PTPRK: variants seen among roughly 807,000 people sequenced by gnomAD.
PTPRK encodes protein tyrosine phosphatase receptor type K.
PTPRK carries 75 observed loss-of-function variants against 178.0 expected under a neutral mutation model. The ratio of observed to expected loss-of-function variants is 0.42; its 90% CI spans 0.35 to 0.51. The LOEUF (loss-of-function observed/expected upper bound fraction) is 0.51, where lower values mean the gene tolerates loss of function less well. PTPRK is among the 20% of genes least tolerant of loss of function. The pLI, the probability that PTPRK is intolerant of heterozygous loss-of-function variation, is 0.02. For missense variants in PTPRK, 1,441 were observed against 1,797.8 expected (o/e 0.80, Z 3.59); for synonymous variants, 637 against 620.6 (o/e 1.03, Z -0.39).
At chr6:128,486,196 GTTAGT>G (rs143791005) in intron 1 of PTPRK, among the ~76,000 whole-genome samples, 3,942 of 151,762 alleles carry the variant, frequency 0.026, 165 homozygotes, top group African/African-American at 0.088. Flanking sequence ...CAGTTTTTTA[GTTAGT>G]TTAGTTTAAA....
intron 3 of PTPRK, among the ~76,000 whole-genome samples, chr6:128,317,983 A>C (rs1828257969): frequency 6.6e-6 from 1 of 152,194 alleles, no homozygotes; most frequent in Non-Finnish European, 1.5e-5. Flanking sequence ...ACTGCTATAC[A>C]AGATCATGAG....
intron 7 of PTPRK, among the ~76,000 whole-genome samples, chr6:128,138,425 C>T (rs1010053254): frequency 6.6e-6 from 1 of 152,140 alleles, no homozygotes. Context: ...GGGTAATCCT[C>T]TTGAACTCTG....
intron 7 of PTPRK, among the ~76,000 whole-genome samples, chr6:128,168,789 A>AC (rs1328556123): frequency 6.6e-6 from 1 of 151,896 alleles, no homozygotes; most frequent in East Asian, 1.9e-4. Context: ...AAGGTTGGGG[A>AC]CCGCTGCACT....
At chr6:128,375,151 G>A (rs1460535308) in intron 2 of PTPRK, among the ~76,000 whole-genome samples, 2 of 148,286 alleles carry the variant, frequency 1.3e-5, no homozygotes, top group East Asian at 3.9e-4. Flanking sequence ...AAAGAATTTT[G>A]TCTATTTTGT....
intron 7 of PTPRK, among the ~76,000 whole-genome samples, chr6:128,096,942 G>A (rs1788014738): frequency 6.6e-6 from 1 of 152,162 alleles, no homozygotes; most frequent in Non-Finnish European, 1.5e-5. Context: ...GAAAGACATT[G>A]TCTTTTACTC....
At chr6:128,263,661 T>A (rs1487755282) in intron 3 of PTPRK, among the ~76,000 whole-genome samples, 2 of 152,198 alleles carry the variant, frequency 1.3e-5, no homozygotes, top group Non-Finnish European at 2.9e-5. Context: ...ATCACTTACA[T>A]AATATAATTA....
intron 7 of PTPRK, among the ~76,000 whole-genome samples, chr6:128,148,819 TACAATGA>T (rs1275913082): frequency 3.9e-5 from 6 of 152,118 alleles, no homozygotes; most frequent in Non-Finnish European, 8.8e-5. Flanking sequence ...TATGTCCAGC[TACAATGA>T]TTTACTTAGT....
chr6:128,348,599 T>C lies in PTPRK; in HGVS notation c.224-26289A>G, dbSNP rs140904837. 1.7e-3 allele frequency among the ~76,000 whole-genome samples: 256 copies of C among 152,176 alleles called. 1 individual carries two copies. Among genetic ancestry groups the C allele is most frequent in the African/African-American group, 5.8e-3 (242 of 41,568 alleles). ...GTTTCCTTTTGTAAACTGAAATATTTTAGTTTGTTAACAAATGTATGATCG... is the reference window on the plus strand; with the variant it reads ...GTTTCCTTTTGTAAACTGAAATATTCTAGTTTGTTAACAAATGTATGATCG... On this transcript the variant is annotated intron_variant, in intron 2 of 29. Transcript: ENST00000368226.
At chr6:128,279,171 C>T (rs1821281739) in intron 3 of PTPRK, among the ~76,000 whole-genome samples, 1 of 150,794 alleles carries the variant, frequency 6.6e-6, no homozygotes, top group Non-Finnish European at 1.5e-5. Flanking sequence ...CATACAAATC[C>T]CTGGGAGAAC....
At chr6:128,090,542 C>T (rs1412693308) in intron 7 of PTPRK, among the ~76,000 whole-genome samples, 1 of 152,108 alleles carries the variant, frequency 6.6e-6, no homozygotes, top group Admixed American at 6.5e-5. Flanking sequence ...AGAAAAATTA[C>T]AAGAACATAT....
At chr6:128,002,453 G>C (rs1445403676) in intron 15 of PTPRK, among the ~76,000 whole-genome samples, 1 of 151,856 alleles carries the variant, frequency 6.6e-6, no homozygotes, top group Non-Finnish European at 1.5e-5. Context: ...AATCATTGGT[G>C]TATAATTAGT....
At chr6:128,101,049 A>G (rs1180725687) in intron 7 of PTPRK, among the ~76,000 whole-genome samples, 1 of 152,026 alleles carries the variant, frequency 6.6e-6, no homozygotes, top group Non-Finnish European at 1.5e-5. Flanking sequence ...TGTTTCCATA[A>G]ATATGTCCTG....
chr6:128,055,197 CAA>C (rs1779688309), intron 13 of PTPRK, among the ~76,000 whole-genome samples: 1 of 152,062 alleles, frequency 6.6e-6, no homozygotes, highest in Non-Finnish European at 1.5e-5. Context: ...TTTATTTTGA[CAA>C]AGAGCAATTT....
intron 2 of PTPRK, among the ~76,000 whole-genome samples, chr6:128,370,597 A>G (rs536796033): frequency 1.1e-4 from 17 of 152,132 alleles, no homozygotes; most frequent in Admixed American, 3.3e-4. Context: ...TTCTCATAAA[A>G]AATTTCTACC....
chr6:128,308,480 T>TA (rs1826770888), intron 3 of PTPRK, among the ~76,000 whole-genome samples: 1 of 151,722 alleles, frequency 6.6e-6, no homozygotes, highest in African/African-American at 2.4e-5. Context: ...GAATTTTTTT[T>TA]AAAAAGGTGA....
rs1483723631 is a variant in PTPRK, at chr6:127,981,152, C to T, written c.3675G>A (p.Gly1225=). Residue 1225 remains glycine (G), a synonymous_variant, in exon 25 of 30, where the codon GGG becomes GGA. Transcript: ENST00000368226. ...CAGCATTGATGTAGTTACTGCTCTC[C>T]CCATCAATTGTAATTAAAAAAGGCA... ...RCLPFLITID[G]ESSNYINAAL... The T allele has an allele frequency of 1.9e-6, 3 of 1,613,852 alleles. No individual in the cohort carries two copies. In the East Asian group the frequency reaches 6.7e-5, roughly 36 times the overall value.
At position 128,258,336 on chromosome 6, in the gene PTPRK, TA is replaced by T. The variant is rs933422311; in HGVS notation, c.496-15735del. On this transcript the variant is annotated intron_variant, in intron 3 of 29. Coordinates refer to ENST00000368226, the MANE Select transcript of PTPRK (RefSeq NM_002844.4). ...CTATGTTAAAAAGATCAAAATATGT[TA>T]CATAAAACTGATATCACAGAGTAAT... Among the ~76,000 whole-genome samples the T allele has an allele frequency of 9.2e-5, 14 of 152,296 alleles. No homozygotes were observed. The South Asian group carries it at 1.5e-3, about 16-fold the overall frequency.
chr6:128,191,129 T>C (rs1411899447), intron 6 of PTPRK, among the ~76,000 whole-genome samples: 2 of 152,164 alleles, frequency 1.3e-5, no homozygotes, highest in Non-Finnish European at 2.9e-5. Flanking sequence ...TAGAAAACTT[T>C]AGATAAAAGG....
chr6:127,973,318 T>C (rs190240687), intron 28 of PTPRK, among the ~76,000 whole-genome samples, 161 bp from the exon 29 acceptor site: 3 of 152,312 alleles, frequency 2.0e-5, no homozygotes, highest in Admixed American at 2.0e-4. Context: ...AGGAGAAAAC[T>C]TGAGGATGAA....
Sources: gnomAD v4.1 joint callset for allele counts (sites outside exome capture counted in the v4.1 genomes callset) on GRCh38, gnomAD v4.1.1 for gene constraint, MANE v1.5 for transcripts, NCBI Gene and HGNC (gene_info 2026-07-23, HGNC 2026-07-21) for gene names.